PIK3R5: variants seen among roughly 807,000 people sequenced by gnomAD.
PIK3R5 encodes phosphoinositide-3-kinase regulatory subunit 5.
A neutral mutation model predicts 94.9 loss-of-function variants in PIK3R5; 32 were observed. That is an observed-to-expected ratio of 0.34 (90% CI 0.25 to 0.45). The LOEUF (loss-of-function observed/expected upper bound fraction) is 0.45, where lower values mean the gene tolerates loss of function less well. Among genes scored for constraint, PIK3R5 ranks in the 20% least tolerant of loss-of-function variants. PIK3R5 has a pLI of 1.00. For missense variants in PIK3R5, 853 were observed against 1,144.6 expected (o/e 0.75, Z 3.68); for synonymous variants, 443 against 479.4 (o/e 0.92, Z 0.99).
Position 8,890,750 on chromosome 17 carries a change from G to A in PIK3R5, c.645C>T (p.His215=). The A allele has an allele frequency of 1.2e-6, 2 of 1,608,844 alleles. No homozygotes were observed. The highest frequency in any genetic ancestry group is 1.7e-6 in the Non-Finnish European group (2 of 1,177,792). Residue 215 remains histidine, a synonymous_variant, in exon 7 of 19, where the codon CAC becomes CAT. Coordinates refer to ENST00000447110, the MANE Select transcript of PIK3R5 (RefSeq NM_001142633.3). This position sits in a 1 kb window ranked among gnomAD's most constrained non-coding sequence, Gnocchi z 6.1. ...CCCAGGTACATACCTGTAGCCTGCA[G>A]TGCAGGCCCGGGACGTCACAGTGGG... ...FGAHCDVPGL[H]CRLQAKTLAE...
chr17:8,915,379 A>G (rs181539), intron 1 of PIK3R5, among the ~76,000 whole-genome samples: 108,425 of 149,732 alleles, frequency 0.72, 40,061 homozygotes, highest in African/African-American at 0.88. Context: ...AGCCAAGATC[A>G]TGCCAGCCTG....
intron 1 of PIK3R5, among the ~76,000 whole-genome samples, chr17:8,949,205 A>G (rs2091331121): frequency 6.6e-6 from 1 of 152,182 alleles, no homozygotes; most frequent in Admixed American, 6.5e-5. Context: ...GAACAGCCTT[A>G]TCTGCCAAGC....
chr17:8,923,543 T>C (rs1466855803), intron 1 of PIK3R5, among the ~76,000 whole-genome samples: 1 of 152,202 alleles, frequency 6.6e-6, no homozygotes, highest in Non-Finnish European at 1.5e-5. Context: ...GCAGCTATAC[T>C]GGAGCCAGGG....
In PIK3R5 at chr17:8,888,065, G is replaced by A. The variant is rs2089921606; in HGVS notation, c.1616+106C>T. 5.7e-6 allele frequency: 3 copies of A among 523,320 alleles called. No homozygotes were observed. Among genetic ancestry groups the A allele is most frequent in the South Asian group, 9.8e-5 (2 of 20,498 alleles). The allele number at this position is 523,320 out of a possible 1,614,324, so 32.4% of individuals were successfully genotyped here. On this transcript the variant is annotated intron_variant, in intron 10 of 18. Transcript: ENST00000447110. The surrounding 1 kb of genome is among the most constrained non-coding windows in gnomAD (Gnocchi z 7.8). ...ATAATAATAAAATAAAAATAAATAA[G>A]GGAACTTTTGGTTCCTCTGGGGCCC... is the stretch of plus-strand genomic sequence containing the variant.
At chr17:8,902,064 T>C (rs1244855765) in intron 5 of PIK3R5, among the ~76,000 whole-genome samples, 2 of 151,444 alleles carry the variant, frequency 1.3e-5, no homozygotes, top group East Asian at 3.9e-4. Context: ...TTTTTGCCAA[T>C]TTGATAGGGG....
At chr17:8,959,438 T>C (rs1407673884) in intron 1 of PIK3R5, among the ~76,000 whole-genome samples, 2 of 152,204 alleles carry the variant, frequency 1.3e-5, no homozygotes, top group Admixed American at 1.3e-4. Flanking sequence ...TGTGTGTGTG[T>C]GTGCACATGC....
chr17:8,925,127 A>G lies in PIK3R5; in HGVS notation c.-13-13620T>C, dbSNP rs1437198589. On this transcript the variant is annotated intron_variant, in intron 1 of 18. Transcript: ENST00000447110. This position sits in a 1 kb window ranked among gnomAD's most constrained non-coding sequence, Gnocchi z 5.1. ...AGATGGATAGATAGATAGTAGATGG[A>G]TAGATAGATAGTAGATGAATAGATA... is the stretch of plus-strand genomic sequence containing the variant. 6.6e-6 allele frequency among the ~76,000 whole-genome samples: 1 copy of G among 150,780 alleles called. No homozygotes were observed. The highest frequency in any genetic ancestry group is 1.5e-5 in the Non-Finnish European group (1 of 67,612).
rs765157201 is a variant in PIK3R5 at position 8,890,951 on chromosome 17, C to T, written c.483-39G>A. The T allele has an allele frequency of 6.3e-6, 10 of 1,593,236 alleles. No homozygotes were observed. The highest frequency in any genetic ancestry group is 1.7e-5 in the Admixed American group (1 of 58,298). On this transcript the variant is annotated intron_variant, in intron 6 of 18. Coordinates refer to ENST00000447110, the MANE Select transcript of PIK3R5 (RefSeq NM_001142633.3). This position sits in a 1 kb window ranked among gnomAD's most constrained non-coding sequence, Gnocchi z 6.1. ...GGACCGGCTATGGCACCCAGGGGTG[C>T]GCAGCATGCCACAGTGCAGCCACCC...
chr17:8,932,303 G>A (rs7215838), intron 1 of PIK3R5, among the ~76,000 whole-genome samples: 37,465 of 151,700 alleles, frequency 0.25, 6,069 homozygotes, highest in Non-Finnish European at 0.37. Flanking sequence ...GCGTGATCTC[G>A]GCTCACTGCA....
rs1272862616 is a variant in PIK3R5 at position 8,945,416 on chromosome 17, C to T, written c.-14+20180G>A. Among the ~76,000 whole-genome samples the T allele has an allele frequency of 6.6e-6, 1 of 152,170 alleles. No individual in the cohort carries two copies. The highest frequency in any genetic ancestry group is 1.5e-5 in the Non-Finnish European group (1 of 68,028). On this transcript the variant is annotated intron_variant, in intron 1 of 18. Coordinates refer to ENST00000447110, the MANE Select transcript of PIK3R5 (RefSeq NM_001142633.3). The surrounding 1 kb of genome is among the most constrained non-coding windows in gnomAD (Gnocchi z 4.0). ...ACTGGTCCCAGGGCTGTATTCCCTC[C>T]ACCTGGCAGCCCCTTGGCTACTCCT...
intron 1 of PIK3R5, among the ~76,000 whole-genome samples, chr17:8,913,213 G>A (rs535788337): frequency 1.8e-4 from 27 of 152,344 alleles, no homozygotes; most frequent in Admixed American, 9.1e-4. Flanking sequence ...TAAGCTGGAT[G>A]AGGAAGCCAG....
intron 1 of PIK3R5, among the ~76,000 whole-genome samples, chr17:8,940,249 C>A (rs1418499379): frequency 6.6e-6 from 1 of 152,232 alleles, no homozygotes; most frequent in Non-Finnish European, 1.5e-5. Flanking sequence ...GCCCTTCTCA[C>A]CTCACTGGGG....
intron 1 of PIK3R5, among the ~76,000 whole-genome samples, chr17:8,956,710 T>C (rs1366634218): frequency 6.6e-6 from 1 of 152,136 alleles, no homozygotes; most frequent in East Asian, 1.9e-4. Context: ...GAATGCACAG[T>C]GCAAAGACCT....
At chr17:8,963,206 C>T (rs2091596824) in intron 1 of PIK3R5, among the ~76,000 whole-genome samples, 1 of 152,232 alleles carries the variant, frequency 6.6e-6, no homozygotes, top group African/African-American at 2.4e-5. Flanking sequence ...AACAGGCATT[C>T]TGGTTCTCAG....
Position 8,881,072 on chromosome 17 carries a change from C to G in PIK3R5, c.2383-55G>C. The G allele has an allele frequency of 6.2e-6, 8 of 1,298,450 alleles. No homozygotes were observed. Among genetic ancestry groups the G allele is most frequent in the Non-Finnish European group, 7.8e-6 (7 of 891,936 alleles). The allele number at this position is 1,298,450 out of a possible 1,614,324, so 80.4% of individuals were successfully genotyped here. A position where few individuals can be genotyped will look rare whatever the true frequency, so the allele number is the denominator to read the frequency against. On this transcript the variant is annotated intron_variant, in intron 17 of 18. Coordinates refer to ENST00000447110, the MANE Select transcript of PIK3R5 (RefSeq NM_001142633.3). This position sits in a 1 kb window ranked among gnomAD's most constrained non-coding sequence, Gnocchi z 4.8. Reference sequence around the variant, plus strand: ...TCCCTGGCCATCCAACACTGCCAGCCCCTGGCAGTTCCTTTTCTCAGAACT... The same window carrying G: ...TCCCTGGCCATCCAACACTGCCAGCGCCTGGCAGTTCCTTTTCTCAGAACT...
intron 3 of PIK3R5, among the ~76,000 whole-genome samples, chr17:8,908,418 A>G (rs1230094821): frequency 2.0e-5 from 3 of 152,106 alleles, no homozygotes; most frequent in Non-Finnish European, 2.9e-5. Context: ...GGAAAAAACT[A>G]CCAGGTAAAT....
At chr17:8,946,777 C>G (rs1347010810) in intron 1 of PIK3R5, among the ~76,000 whole-genome samples, 2 of 152,110 alleles carry the variant, frequency 1.3e-5, no homozygotes, top group African/African-American at 4.8e-5. Context: ...GCCTGCCGTT[C>G]TCTCTGCCTG....
intron 1 of PIK3R5, among the ~76,000 whole-genome samples, chr17:8,946,563 A>G (rs117049841): frequency 0.032 from 4,826 of 151,926 alleles, 92 homozygotes; most frequent in Middle Eastern, 0.068. Flanking sequence ...GTGTTTACTC[A>G]AATAAAAATT....
intron 1 of PIK3R5, among the ~76,000 whole-genome samples, chr17:8,937,068 T>C (rs144592426): frequency 2.0e-5 from 3 of 152,208 alleles, no homozygotes; most frequent in Non-Finnish European, 4.4e-5. Context: ...TGCTGGTATA[T>C]AGGCAAGCAC....
Sources: gnomAD v4.1 joint callset for allele counts (sites outside exome capture counted in the v4.1 genomes callset) on GRCh38, gnomAD v4.1.1 for gene constraint, Gnocchi (gnomAD v3.1) non-coding constraint, MANE v1.5 for transcripts, NCBI Gene and HGNC (gene_info 2026-07-23, HGNC 2026-07-21) for gene names.